Variants in DIAPH2 observed in about 807,000 individuals in gnomAD.
The protein encoded by DIAPH2 is diaphanous related formin 2.
A neutral mutation model predicts 92.7 loss-of-function variants in DIAPH2; 35 were observed. The observed-to-expected ratio is 0.38, with a 90% CI of 0.29 to 0.50. The LOEUF (loss-of-function observed/expected upper bound fraction) is 0.50, where lower values mean the gene tolerates loss of function less well. Among genes scored for constraint, DIAPH2 ranks in the 20% least tolerant of loss-of-function variants. The pLI is 0.94. For missense variants in DIAPH2, 701 were observed against 819.5 expected, an observed-to-expected ratio of 0.86 and a Z score of 1.77; for synonymous variants, 301 against 280.4, an observed-to-expected ratio of 1.07 and a Z score of -0.73.
intron 23 of DIAPH2, among the ~76,000 whole-genome samples, chrX:97,301,634 T>G (rs1172838197): frequency 8.9e-6 from 1 of 111,734 alleles, no homozygotes. Flanking sequence ...TCCAGAGATT[T>G]GTGGGACCAA....
At chrX:96,908,334 T>G (rs2065446568) in intron 5 of DIAPH2, among the ~76,000 whole-genome samples, 1 of 111,128 alleles carries the variant, frequency 9.0e-6, no homozygotes. Flanking sequence ...TTCCTTCTGT[T>G]TGGTTCTTCA....
intron 4 of DIAPH2, among the ~76,000 whole-genome samples, chrX:96,839,532 T>G (rs957427800): frequency 9.0e-6 from 1 of 111,504 alleles, no homozygotes; most frequent in African/African-American, 3.3e-5. Flanking sequence ...GACACTTAAT[T>G]TTTTCCTATG....
intron 17 of DIAPH2, among the ~76,000 whole-genome samples, chrX:96,986,550 T>A (rs1260060562): frequency 9.0e-6 from 1 of 111,717 alleles, no homozygotes; most frequent in Non-Finnish European, 1.9e-5. Flanking sequence ...TTATAGAATG[T>A]CAATATTTTA....
chrX:97,437,264 A>G (rs754581398), intron 26 of DIAPH2, among the ~76,000 whole-genome samples: 2 of 112,236 alleles, frequency 1.8e-5, no homozygotes, highest in East Asian at 5.6e-4. Context: ...TTATACTACC[A>G]CACTAAGCCC....
chrX:97,284,559 G>A (rs1250294149), intron 23 of DIAPH2, among the ~76,000 whole-genome samples: 4 of 106,865 alleles, frequency 3.7e-5, no homozygotes, highest in African/African-American at 6.9e-5. Flanking sequence ...GTGGTGAGCC[G>A]AGATCGCGCC....
intron 24 of DIAPH2, among the ~76,000 whole-genome samples, chrX:97,348,567 C>G (rs999336235): frequency 9.0e-6 from 1 of 111,455 alleles, no homozygotes; most frequent in Non-Finnish European, 1.9e-5. Flanking sequence ...CTTAAATAAC[C>G]CCAATTTTTA....
intron 15 of DIAPH2, among the ~76,000 whole-genome samples, chrX:96,956,163 A>G (rs995439061): frequency 8.9e-6 from 1 of 112,896 alleles, no homozygotes; most frequent in African/African-American, 3.2e-5. Flanking sequence ...ACTTCTGTGT[A>G]CCTGCAGGCT....
intron 23 of DIAPH2, among the ~76,000 whole-genome samples, chrX:97,312,558 C>T (rs1358817642): frequency 9.1e-6 from 1 of 109,622 alleles, no homozygotes; most frequent in East Asian, 2.9e-4. Context: ...CCATGCTGGC[C>T]AGGCTGGTCT....
At chrX:97,340,702 C>T (rs2069106036) in intron 23 of DIAPH2, among the ~76,000 whole-genome samples, 1 of 102,117 alleles carries the variant, frequency 9.8e-6, no homozygotes, top group Non-Finnish European at 2.0e-5. Context: ...GTCGCTCAGG[C>T]TGGAGTGCAG....
intron 4 of DIAPH2, among the ~76,000 whole-genome samples, chrX:96,845,072 G>T (rs1031526615): frequency 8.9e-6 from 1 of 111,744 alleles, no homozygotes; most frequent in African/African-American, 3.3e-5. Flanking sequence ...ATTTTTAGTG[G>T]CAAAAGCCTT....
At chrX:97,497,772 A>G (rs1392723690) in intron 26 of DIAPH2, among the ~76,000 whole-genome samples, 2 of 110,772 alleles carry the variant, frequency 1.8e-5, no homozygotes, top group Admixed American at 1.9e-4. Context: ...TGCCACTGGT[A>G]TATTGGAAGC....
chrX:96,835,531 C>T (rs2064880667), intron 4 of DIAPH2, among the ~76,000 whole-genome samples: 1 of 111,868 alleles, frequency 8.9e-6, no homozygotes, highest in Non-Finnish European at 1.9e-5. Flanking sequence ...TTTCACCTTT[C>T]CCTACCCTGT....
intron 15 of DIAPH2, among the ~76,000 whole-genome samples, chrX:96,954,977 C>T (rs1482729999): frequency 8.9e-6 from 1 of 112,735 alleles, no homozygotes; most frequent in Admixed American, 9.3e-5. Flanking sequence ...CCAAGCCATA[C>T]ACTGTACTTC....
chrX:97,497,446 ATT>A (rs376528999), intron 26 of DIAPH2, among the ~76,000 whole-genome samples: 4 of 92,889 alleles, frequency 4.3e-5, no homozygotes, highest in Non-Finnish European at 4.3e-5. Flanking sequence ...CTCTGATCAC[ATT>A]TTTTTTTTTT....
At chrX:96,787,901 G>A (rs2064470735) in intron 4 of DIAPH2, among the ~76,000 whole-genome samples, 2 of 106,076 alleles carry the variant, frequency 1.9e-5, no homozygotes, top group Non-Finnish European at 3.9e-5. Flanking sequence ...AGTAGAGACG[G>A]GTTTCTCCAT....
intron 17 of DIAPH2, among the ~76,000 whole-genome samples, chrX:97,027,606 A>T (rs553246772): frequency 1.5e-3 from 166 of 112,373 alleles, no homozygotes; most frequent in South Asian, 3.0e-3. Context: ...ATTGTCTTGG[A>T]GATTCACAGA....
chrX:96,856,327 G>T (rs1047468356), intron 4 of DIAPH2, among the ~76,000 whole-genome samples: 1 of 110,880 alleles, frequency 9.0e-6, no homozygotes, highest in African/African-American at 3.3e-5. Flanking sequence ...GGCCCTCTGG[G>T]TGATAAAAGG....
intron 5 of DIAPH2, among the ~76,000 whole-genome samples, chrX:96,904,106 C>G (rs1010665519): frequency 8.9e-6 from 1 of 112,020 alleles, no homozygotes; most frequent in East Asian, 2.8e-4. Context: ...TGCAGTAAGA[C>G]TGATAGAATA....
chrX:97,212,208 T>TC (rs745440825), intron 22 of DIAPH2, among the ~76,000 whole-genome samples: 3 of 111,900 alleles, frequency 2.7e-5, no homozygotes, highest in South Asian at 7.4e-4. Context: ...AAATATCCCT[T>TC]CAGCATCTAA....
Sources: allele counts gnomAD v4.1 joint callset (sites outside exome capture counted in the v4.1 genomes callset), GRCh38; gene constraint gnomAD v4.1.1; transcripts MANE v1.5; gene names NCBI Gene and HGNC (gene_info 2026-07-23, HGNC 2026-07-21).